TENM4: variants seen among roughly 807,000 people sequenced by gnomAD.
TENM4 encodes the protein teneurin transmembrane protein 4, also known as teneurin-4.
In TENM4, 82 loss-of-function variants were observed where a neutral mutation model predicts 243.3. The observed-to-expected ratio is 0.34, with a 90% CI of 0.28 to 0.40. TENM4 has a LOEUF of 0.40. TENM4 is among the 10% of genes least tolerant of loss of function. TENM4 has a pLI of 1.00. For missense variants in TENM4, 3,138 were observed against 3,673.3 expected (o/e 0.85, Z 3.77); for synonymous variants, 1,412 against 1,456.3 (o/e 0.97, Z 0.69).
intron 6 of TENM4, among the ~76,000 whole-genome samples, chr11:78,987,764 G>A (rs1334811805): frequency 6.6e-6 from 1 of 152,178 alleles, no homozygotes; most frequent in Non-Finnish European, 1.5e-5. Context: ...AGGCACTGTG[G>A]AGGACCTTAT....
chr11:78,965,543 G>T (rs2136550130), intron 6 of TENM4, among the ~76,000 whole-genome samples: 1 of 152,314 alleles, frequency 6.6e-6, no homozygotes, highest in African/African-American at 2.4e-5. Flanking sequence ...CAGGGTGTTT[G>T]TTACAGCCTC....
At chr11:78,708,333 A>G (rs1407532440) in intron 27 of TENM4, 28 bp downstream of exon 27, 1 of 1,612,864 alleles carries the variant, frequency 6.2e-7, no homozygotes, top group East Asian at 2.2e-5. Flanking sequence ...GGGCAGTCCC[A>G]GGGCTTTGGT....
intron 6 of TENM4, among the ~76,000 whole-genome samples, chr11:79,033,566 C>T (rs887656779): frequency 2.0e-5 from 3 of 152,202 alleles, no homozygotes; most frequent in African/African-American, 7.2e-5. Context: ...CACAAGTTTT[C>T]CTGGTCCATC....
intron 6 of TENM4, among the ~76,000 whole-genome samples, chr11:79,020,369 A>AT: frequency 6.6e-6 from 1 of 152,292 alleles, no homozygotes; most frequent in East Asian, 1.9e-4. Context: ...TAACTATCTC[A>AT]TTTGGCAATT....
intron 2 of TENM4, among the ~76,000 whole-genome samples, chr11:79,271,507 G>A (rs553511746): frequency 2.4e-4 from 37 of 152,286 alleles, no homozygotes; most frequent in African/African-American, 7.7e-4. Context: ...GTGTCCCCAG[G>A]GCCACAGTGG....
intron 6 of TENM4, among the ~76,000 whole-genome samples, chr11:78,929,327 A>G (rs1380537131): frequency 6.6e-6 from 1 of 152,222 alleles, no homozygotes; most frequent in Non-Finnish European, 1.5e-5. Flanking sequence ...CGGCTACATT[A>G]CAGTGATTAC....
At chr11:79,219,923 C>T (rs768904326) in intron 2 of TENM4, among the ~76,000 whole-genome samples, 12 of 152,244 alleles carry the variant, frequency 7.9e-5, no homozygotes, top group Non-Finnish European at 1.8e-4. Flanking sequence ...AAAACAACAA[C>T]ACTGACTGCA....
chr11:79,354,407 T>G lies in TENM4; in HGVS notation c.-320-56864A>C, dbSNP rs142585007. ...GTGCATTTTATTTCATTTCTTTGAT[T>G]CTCATAAGGACTTGGTGCCATTTAA... On this transcript the variant is annotated intron_variant, in intron 1 of 33. Transcript: ENST00000278550. Among the ~76,000 whole-genome samples the G allele has an allele frequency of 2.0e-5, 3 of 152,340 alleles. No homozygotes were observed. The East Asian group carries it at 5.8e-4, about 29-fold the overall frequency.
chr11:78,662,093 A>G (rs1282221234), intron 32 of TENM4, among the ~76,000 whole-genome samples: 1 of 151,966 alleles, frequency 6.6e-6, no homozygotes, highest in Admixed American at 6.5e-5. Flanking sequence ...CACGGGTTAC[A>G]GAGATGGCCT....
chr11:79,361,777 A>AG (rs1453821300), intron 1 of TENM4, among the ~76,000 whole-genome samples: 3 of 152,150 alleles, frequency 2.0e-5, no homozygotes, highest in African/African-American at 4.8e-5. Context: ...GAAAAAAAAA[A>AG]TACAGAGACT....
rs1858297440 is a variant in TENM4 at position 78,670,545 on chromosome 11, C to T, written c.5800G>A (p.Val1934Met). ...WSYTYLEKSM[V>M]LLLHSQRQYI... is the part of the protein sequence containing the mutation. Reference sequence around the variant, plus strand: ...TGCCTCTGGCTGTGTAGTAGCAGCACCATGGACTGGAGGGAGAGGAAAACC... The same window carrying T: ...TGCCTCTGGCTGTGTAGTAGCAGCATCATGGACTGGAGGGAGAGGAAAACC... The change falls in exon 32 of 34, where the codon GTG (valine) becomes ATG (methionine). Residue 1934 changes from valine (V) to methionine (M), a missense_variant. Coordinates refer to ENST00000278550, the MANE Select transcript of TENM4 (RefSeq NM_001098816.3). 6.2e-7 allele frequency: 1 copy of T among 1,602,286 alleles called. No individual in the cohort carries two copies.
chr11:78,779,291 G>A lies in TENM4; in HGVS notation c.2366-663C>T, dbSNP rs78120704. Among the ~76,000 whole-genome samples, 1,428 of 152,266 alleles carry A rather than the reference G, an allele frequency of 9.4e-3. 32 individuals carry two copies. Among genetic ancestry groups the A allele is most frequent in the African/African-American group, 0.033 (1,356 of 41,542 alleles). On this transcript the variant is annotated intron_variant, in intron 16 of 33. Coordinates refer to ENST00000278550, the MANE Select transcript of TENM4 (RefSeq NM_001098816.3). ...AAGATGCATTCCTCCTTTGTGCATC[G>A]TACACAGACTATGAGGTGCAGGTCA...
intron 15 of TENM4, among the ~76,000 whole-genome samples, chr11:78,791,998 G>A (rs1857065972): frequency 6.6e-6 from 1 of 152,206 alleles, no homozygotes; most frequent in African/African-American, 2.4e-5. Flanking sequence ...CAGTTTCCTA[G>A]CTGTGGGTAC....
At chr11:78,751,304 C>T (rs1856186665) in intron 19 of TENM4, among the ~76,000 whole-genome samples, 1 of 152,144 alleles carries the variant, frequency 6.6e-6, no homozygotes, top group Non-Finnish European at 1.5e-5. Context: ...CTCTGGTCAC[C>T]CATCCTTCCT....
chr11:78,859,327 T>G (rs1858758495), intron 10 of TENM4, among the ~76,000 whole-genome samples: 1 of 152,180 alleles, frequency 6.6e-6, no homozygotes, highest in Admixed American at 6.5e-5. Flanking sequence ...CCCAGAGACT[T>G]AACAAACACT....
intron 1 of TENM4, among the ~76,000 whole-genome samples, chr11:79,311,573 T>A (rs1462552563): frequency 6.6e-6 from 1 of 152,226 alleles, no homozygotes; most frequent in Non-Finnish European, 1.5e-5. Flanking sequence ...TACAGTTTTT[T>A]ATGAGTCCAT....
intron 6 of TENM4, among the ~76,000 whole-genome samples, chr11:78,907,249 T>A (rs561213504): frequency 6.6e-6 from 1 of 150,732 alleles, no homozygotes; most frequent in African/African-American, 2.4e-5. Context: ...GACTCCTTTT[T>A]TTTTTTTTTT....
chr11:78,785,314 G>A (rs1241315452), intron 16 of TENM4, among the ~76,000 whole-genome samples: 1 of 152,206 alleles, frequency 6.6e-6, no homozygotes, highest in Non-Finnish European at 1.5e-5. Flanking sequence ...TGCAGTGGCT[G>A]CCATTGTGAT....
At chr11:79,000,857 C>A (rs1035849517) in intron 6 of TENM4, among the ~76,000 whole-genome samples, 1 of 152,114 alleles carries the variant, frequency 6.6e-6, no homozygotes, top group African/African-American at 2.4e-5. Flanking sequence ...ATGGTAAAAC[C>A]TTGTCTCTAC....
Sources: allele counts gnomAD v4.1 joint callset (sites outside exome capture counted in the v4.1 genomes callset), GRCh38; gene constraint gnomAD v4.1.1; transcripts MANE v1.5; gene names NCBI Gene and HGNC (gene_info 2026-07-23, HGNC 2026-07-21).